Variants in NUP188 observed in about 807,000 individuals in gnomAD.
The protein encoded by NUP188 is nucleoporin NUP188.
NUP188 carries 97 observed loss-of-function variants against 223.0 expected under a neutral mutation model. That is an observed-to-expected ratio of 0.43 (90% CI 0.37 to 0.51). The LOEUF (loss-of-function observed/expected upper bound fraction) is 0.51. NUP188 is among the 20% of genes least tolerant of loss of function. The pLI, the probability that NUP188 is intolerant of heterozygous loss-of-function variation, is 0.00. For synonymous variants in NUP188, 869 were observed against 828.0 expected (o/e 1.05, Z -0.85); for missense variants, 1,947 against 2,175.6 (o/e 0.89, Z 2.09).
At chr9:128,972,112 A>G (rs1413889085) in intron 11 of NUP188, among the ~76,000 whole-genome samples, 1 of 152,242 alleles carries the variant, frequency 6.6e-6, no homozygotes, top group African/African-American at 2.4e-5. Flanking sequence ...GCATTTGCCC[A>G]AAGGCGTTGA....
chr9:128,991,737 G>T (rs1252510165), intron 25 of NUP188, among the ~76,000 whole-genome samples: 2 of 149,368 alleles, frequency 1.3e-5, no homozygotes, highest in Admixed American at 6.7e-5. Flanking sequence ...CAGGTACTCA[G>T]TAGGCTGAGG....
At position 128,993,271 on chromosome 9, in the gene NUP188, G is replaced by A. The variant is rs763177944; in HGVS notation, c.2715G>A (p.Leu905=). 1.2e-6 allele frequency: 2 copies of A among 1,614,086 alleles called. No individual in the cohort carries two copies. Among genetic ancestry groups the A allele is most frequent in the African/African-American group, 1.3e-5 (1 of 74,928 alleles). ...TTCGTGATGCCTTCCTGACCCGATT[G>A]CAGAGCAAAATTGAGGACATGCGCA... ...AAIRDAFLTR[L]QSKIEDMRIK... The change falls in exon 26 of 44, where the codon TTG becomes TTA. Residue 905 remains leucine, a synonymous_variant. Transcript: ENST00000372577.
chr9:128,990,234 C>G lies in NUP188; in HGVS notation c.2640+8C>G. On this transcript the variant is annotated splice_region_variant and intron_variant, in intron 25 of 43. Coordinates refer to ENST00000372577, the MANE Select transcript of NUP188 (RefSeq NM_015354.3). ...CTGAAACGTCTGGCCACGGTAGGAT[C>G]GTACTTCATGCACACACACTGTTTA... 2 of 1,599,486 alleles carry G rather than the reference C, an allele frequency of 1.3e-6. No individual in the cohort carries two copies. The highest frequency in any genetic ancestry group is 1.3e-5 in the African/African-American group (1 of 74,742).
intron 2 of NUP188, among the ~76,000 whole-genome samples, chr9:128,952,151 C>G (rs1490598949): frequency 1.3e-5 from 2 of 152,100 alleles, no homozygotes; most frequent in African/African-American, 2.4e-5. Context: ...CACCTGTAAT[C>G]CCTGCACTTT....
Position 128,988,191 on chromosome 9 carries a change from G to C in NUP188, c.2533+5G>C. On this transcript the variant is annotated splice_donor_5th_base_variant and intron_variant, in intron 24 of 43. Transcript: ENST00000372577. ...AACAGGCTCTCTCACAACATGGTAT[G>C]TATTTCTCTTCCAGTCACAACATGG... The C allele has an allele frequency of 6.2e-7, 1 of 1,613,838 alleles. No homozygotes were observed. Among genetic ancestry groups the C allele is most frequent in the Non-Finnish European group, 8.5e-7 (1 of 1,179,914 alleles).
Position 128,987,485 on chromosome 9 carries a change from G to A in NUP188, c.2265-104G>A, listed in dbSNP as rs578185490. On this transcript the variant is annotated intron_variant, in intron 22 of 43. Transcript: ENST00000372577. ...AGCTTGCAGAGAGCTGGTCTCCAGT[G>A]TCCAGTAGGTTAGGTTAGCCACCCT... 5 of 1,108,064 alleles carry A rather than the reference G, an allele frequency of 4.5e-6. No homozygotes were observed. In the Admixed American group the frequency reaches 9.5e-5, roughly 21 times the overall value. The allele number at this position is 1,108,064 out of a possible 1,614,324, so 68.6% of individuals were successfully genotyped here. A position where few individuals can be genotyped will look rare whatever the true frequency, so the allele number is the denominator to read the frequency against.
intron 34 of NUP188, among the ~76,000 whole-genome samples, chr9:129,001,123 C>T (rs1306772727): frequency 6.6e-6 from 1 of 152,082 alleles, no homozygotes; most frequent in Non-Finnish European, 1.5e-5. Flanking sequence ...GAGGATGGAG[C>T]AGGATTATTT....
chr9:129,004,497 T>C (rs942070685), intron 38 of NUP188: 2 of 152,132 alleles, frequency 1.3e-5, no homozygotes, highest in Non-Finnish European at 2.9e-5. Context: ...ATAATCCTCA[T>C]CTTATTTTAT....
At chr9:128,976,706 G>A (rs1162341339) in intron 12 of NUP188, among the ~76,000 whole-genome samples, 1 of 151,688 alleles carries the variant, frequency 6.6e-6, no homozygotes, top group Non-Finnish European at 1.5e-5. Context: ...TAAAGGTCAT[G>A]GGCATAGAAC....
In NUP188 at chr9:128,968,512, C is replaced by A. The variant is rs17507964; in HGVS notation, c.592C>A (p.Arg198Ser). The A allele has an allele frequency of 1.9e-4, 304 of 1,613,522 alleles. No individual in the cohort carries two copies. The African/African-American group carries it at 3.4e-3, about 18-fold the overall frequency. ...WETHGNLMTERQVSRWFVQCL... is the reference protein window; with the variant it reads ...WETHGNLMTESQVSRWFVQCL... Reference sequence around the variant, plus strand: ...GTTTTCATTGGTTGTACAGACAGAGCGCCAAGTGTCTCGCTGGTTTGTTCA... The same window carrying A: ...GTTTTCATTGGTTGTACAGACAGAGAGCCAAGTGTCTCGCTGGTTTGTTCA... The change falls in exon 9 of 44, where the codon CGC (arginine) becomes AGC (serine). Residue 198 changes from arginine to serine, a missense_variant. Physicochemically the swap from Arg to Ser is moderately radical, Grantham distance 110 (BLOSUM62 -1). This residue lies in a region of NUP188 where 817 missense variants were observed against 865.8 expected (regional missense o/e 0.94). Transcript: ENST00000372577.
chr9:128,996,957 G>A (rs1004373045), intron 30 of NUP188, among the ~76,000 whole-genome samples: 6 of 152,320 alleles, frequency 3.9e-5, no homozygotes, highest in Middle Eastern at 3.4e-3. Context: ...ATCTTTGATC[G>A]CATAGAGAGT....
intron 22 of NUP188, among the ~76,000 whole-genome samples, chr9:128,987,084 AGAGAGTGTGTGT>A (rs1187320991): frequency 0.012 from 1,501 of 128,062 alleles, 24 homozygotes; most frequent in African/African-American, 0.04. Flanking sequence ...AGAGAGAGAG[AGAGAGTGTGTGT>A]GTGTGTGTGT....
chr9:128,984,584 G>T (rs1178736315), intron 19 of NUP188, among the ~76,000 whole-genome samples: 1 of 152,114 alleles, frequency 6.6e-6, no homozygotes, highest in East Asian at 1.9e-4. Context: ...GGGTTCTCGA[G>T]CTCAGCCAGT....
intron 25 of NUP188, among the ~76,000 whole-genome samples, chr9:128,991,903 CTTTCT>C (rs1842439413): frequency 7.4e-6 from 1 of 135,126 alleles, no homozygotes; most frequent in Admixed American, 7.8e-5. Flanking sequence ...TACTGTTTTT[CTTTCT>C]TTTTTTTTTT....
At position 128,985,035 on chromosome 9, in the gene NUP188, C is replaced by CAAAA. The variant is rs1238800265; in HGVS notation, c.2076+24_2076+25insAAAA. ...TCAAGGTACAGTCTGATTTTGTTCA[C>CAAAA]AAAGGGCAGAAAAAGAAAAGGTCCA... On this transcript the variant is annotated intron_variant, in intron 20 of 43. Coordinates refer to ENST00000372577, the MANE Select transcript of NUP188 (RefSeq NM_015354.3). The CAAAA allele has an allele frequency of 5.2e-6, 8 of 1,548,748 alleles. No homozygotes were observed. In the South Asian group the frequency reaches 9.0e-5, roughly 17 times the overall value.
chr9:128,971,983 G>A (rs1000687353), intron 11 of NUP188, among the ~76,000 whole-genome samples: 4 of 151,594 alleles, frequency 2.6e-5, no homozygotes, highest in Non-Finnish European at 4.4e-5. Flanking sequence ...TGTTGGCAAG[G>A]CTGGTCTCAA....
At chr9:128,990,966 T>C (rs1842416510) in intron 25 of NUP188, among the ~76,000 whole-genome samples, 1 of 152,124 alleles carries the variant, frequency 6.6e-6, no homozygotes, top group Non-Finnish European at 1.5e-5. Context: ...TGCGGTGAGC[T>C]GTGATCACGC....
intron 9 of NUP188, 109 bp downstream of exon 9, chr9:128,968,826 G>A (rs1159423966): frequency 5.1e-6 from 4 of 788,204 alleles, no homozygotes; most frequent in Non-Finnish European, 6.3e-6. Context: ...AATCGGTGGG[G>A]AAATAGGTCT....
chr9:129,001,187 G>T (rs188406559), intron 34 of NUP188, among the ~76,000 whole-genome samples: 1 of 151,862 alleles, frequency 6.6e-6, no homozygotes, highest in Non-Finnish European at 1.5e-5. Context: ...GGTCGTAGGG[G>T]TCCCTCAGAC....
Sources: gnomAD v4.1 joint callset for allele counts (sites outside exome capture counted in the v4.1 genomes callset) on GRCh38, gnomAD v4.1.1 for gene constraint, gnomAD v4.1.1 regional missense constraint, MANE v1.5 for transcripts, NCBI Gene and HGNC (gene_info 2026-07-23, HGNC 2026-07-21) for gene names.